Variants in FHOD3 observed in about 807,000 individuals in gnomAD.
The protein encoded by FHOD3 is formin homology 2 domain containing 3.
A neutral mutation model predicts 173.0 loss-of-function variants in FHOD3; 90 were observed. The ratio of observed to expected loss-of-function variants is 0.52; its 90% CI spans 0.44 to 0.62. The LOEUF is 0.62. FHOD3 is among the 20% of genes least tolerant of loss of function. The pLI is 0.00. For missense variants in FHOD3, 1,945 were observed against 2,034.7 expected, an observed-to-expected ratio of 0.96 and a Z score of 0.85; for synonymous variants, 828 against 823.0, an observed-to-expected ratio of 1.01 and a Z score of -0.10.
Position 36,297,886 on chromosome 18 carries a change from C to T in FHOD3, c.51C>T (p.Phe17=). The change falls in exon 1 of 29, where the codon TTC becomes TTT. Residue 17 remains phenylalanine, a synonymous_variant. Coordinates refer to ENST00000590592, the MANE Select transcript of FHOD3 (RefSeq NM_001281740.3). ...AGTTCTTGGACGACACGGACCCTTT[C>T]AACAGCACCAACTTCCCCGAGCCCA... The part of the protein sequence containing the change: ...RVQFLDDTDP[F]NSTNFPEPSR... 6.4e-7 allele frequency: 1 copy of T among 1,558,010 alleles called. No individual in the cohort carries two copies.
At position 36,700,273 on chromosome 18, in the gene FHOD3, C is replaced by T. The variant is rs542132655; in HGVS notation, c.2236+6850C>T. 1.3e-4 allele frequency among the ~76,000 whole-genome samples: 20 copies of T among 152,192 alleles called. No homozygotes were observed. In the Middle Eastern group the frequency reaches 0.01, roughly 78 times the overall value. ...GCTCAGGGCGTGTGTATTGCACTTC[C>T]CCAGCCATCTCCACTAAATGCCCCT... On this transcript the variant is annotated intron_variant, in intron 17 of 28. Transcript: ENST00000590592.
chr18:36,601,809 G>T (rs2148476125), intron 7 of FHOD3, among the ~76,000 whole-genome samples: 1 of 152,256 alleles, frequency 6.6e-6, no homozygotes, highest in South Asian at 2.1e-4. Context: ...TTCATCTTGG[G>T]CCTAGAAAAC....
At chr18:36,732,991 G>A (rs187598245) in intron 20 of FHOD3, among the ~76,000 whole-genome samples, 39 of 152,276 alleles carry the variant, frequency 2.6e-4, no homozygotes, top group African/African-American at 7.9e-4. Context: ...TATTTAGTAC[G>A]GATTAAATGA....
At chr18:36,315,186 C>T (rs1290911696) in intron 1 of FHOD3, among the ~76,000 whole-genome samples, 1 of 152,170 alleles carries the variant, frequency 6.6e-6, no homozygotes, top group Non-Finnish European at 1.5e-5. Context: ...ATAGTCGATT[C>T]ATATTGAACT....
chr18:36,606,037 AC>A (rs1225004760), intron 8 of FHOD3, among the ~76,000 whole-genome samples: 1 of 152,172 alleles, frequency 6.6e-6, no homozygotes, highest in Non-Finnish European at 1.5e-5. Context: ...AAGAGGGGTT[AC>A]CGTGAGGCTG....
At chr18:36,615,745 G>A (rs890619419) in intron 9 of FHOD3, among the ~76,000 whole-genome samples, 10 of 152,142 alleles carry the variant, frequency 6.6e-5, no homozygotes, top group South Asian at 6.2e-4. Flanking sequence ...TTTCTGCACC[G>A]CTAGATCTCT....
chr18:36,297,845 C>A lies in FHOD3; in HGVS notation c.10C>A (p.Leu4Met), dbSNP rs1349373624. 6.5e-7 allele frequency: 1 copy of A among 1,528,060 alleles called. No homozygotes were observed. The allele number at this position is 1,528,060 out of a possible 1,614,324, so 94.7% of individuals were successfully genotyped here. A position where few individuals can be genotyped will look rare whatever the true frequency, so the allele number is the denominator to read the frequency against. The change falls in exon 1 of 29, where the codon CTG (leucine) becomes ATG (methionine). Residue 4 changes from leucine to methionine, a missense_variant. This residue lies in a region of FHOD3 where 245 missense variants were observed against 267.7 expected (regional missense o/e 0.92). Transcript: ENST00000590592. MAT[L>M]ACRVQFLDDT... Reference sequence around the variant, plus strand: ...GCGGCAGGGATGCATCATGGCCACGCTGGCTTGCCGGGTGCAGTTCTTGGA... The same window carrying A: ...GCGGCAGGGATGCATCATGGCCACGATGGCTTGCCGGGTGCAGTTCTTGGA...
chr18:36,765,909 T>C (rs1332800235), intron 27 of FHOD3, among the ~76,000 whole-genome samples: 1 of 152,036 alleles, frequency 6.6e-6, no homozygotes, highest in Non-Finnish European at 1.5e-5. Context: ...TTGAAGAGAT[T>C]GAAGAGATTT....
intron 23 of FHOD3, among the ~76,000 whole-genome samples, chr18:36,745,661 A>G (rs2042115766): frequency 6.6e-6 from 1 of 151,930 alleles, no homozygotes; most frequent in East Asian, 1.9e-4. Flanking sequence ...CTAAGTAGCA[A>G]CGGCTTACCT....
chr18:36,677,536 T>A lies in FHOD3; in HGVS notation c.1836-3900T>A, dbSNP rs141033706. Among the ~76,000 whole-genome samples the A allele has an allele frequency of 7.9e-5, 12 of 152,362 alleles. No homozygotes were observed. In the East Asian group the frequency reaches 2.1e-3, roughly 27 times the overall value. On this transcript the variant is annotated intron_variant, in intron 14 of 28. Transcript: ENST00000590592. ...CCCCACAGATGTGTAATAACACATT[T>A]GACATGAATCAGGATTCTATCTGTG...
intron 2 of FHOD3, among the ~76,000 whole-genome samples, chr18:36,370,152 C>T (rs2047109726): frequency 6.6e-6 from 1 of 152,132 alleles, no homozygotes; most frequent in East Asian, 1.9e-4. Flanking sequence ...CTCCTTTACT[C>T]TGAACCTGGG....
chr18:36,399,254 C>A (rs921812808), intron 3 of FHOD3, among the ~76,000 whole-genome samples: 1 of 152,104 alleles, frequency 6.6e-6, no homozygotes, highest in Non-Finnish European at 1.5e-5. Context: ...GTGTCCTGTT[C>A]GTTTGTCCCA....
chr18:36,575,034 G>A lies in FHOD3; in HGVS notation c.512-1417G>A, dbSNP rs536986010. 1.3e-4 allele frequency among the ~76,000 whole-genome samples: 19 copies of A among 151,252 alleles called. No homozygotes were observed. In the South Asian group the frequency reaches 1.5e-3, roughly 12 times the overall value. ...CACCCAGACTGGAGTGCAGTGGTGC[G>A]ATCTTGGCTCACTGCCACCTCCGCC... is the stretch of plus-strand genomic sequence containing the variant. On this transcript the variant is annotated intron_variant, in intron 5 of 28. Transcript: ENST00000590592.
chr18:36,590,691 T>G (rs2059186791), intron 6 of FHOD3, among the ~76,000 whole-genome samples: 1 of 152,146 alleles, frequency 6.6e-6, no homozygotes, highest in Non-Finnish European at 1.5e-5. Context: ...TTGGGGATTT[T>G]TTTAAAAAAA....
At chr18:36,548,435 T>C (rs2057502519) in intron 5 of FHOD3, among the ~76,000 whole-genome samples, 1 of 152,172 alleles carries the variant, frequency 6.6e-6, no homozygotes, top group African/African-American at 2.4e-5. Context: ...TGAGGTATAA[T>C]TGACAATAAT....
chr18:36,773,087 C>T (rs2043462236), intron 28 of FHOD3, among the ~76,000 whole-genome samples: 1 of 152,214 alleles, frequency 6.6e-6, no homozygotes, highest in South Asian at 2.1e-4. Context: ...GAGGCCAGGA[C>T]ACTGATATGC....
At chr18:36,334,824 A>G (rs2045219369) in intron 1 of FHOD3, among the ~76,000 whole-genome samples, 1 of 152,242 alleles carries the variant, frequency 6.6e-6, no homozygotes, top group South Asian at 2.1e-4. Flanking sequence ...TGTGACTGAA[A>G]GAGGGTAGAG....
chr18:36,633,906 T>C (rs1407719903), intron 10 of FHOD3, among the ~76,000 whole-genome samples: 16 of 152,178 alleles, frequency 1.1e-4, no homozygotes. Flanking sequence ...GAAGACATTT[T>C]ATAGAGGGGA....
intron 14 of FHOD3, among the ~76,000 whole-genome samples, chr18:36,671,485 T>G (rs904158327): frequency 6.6e-6 from 1 of 152,272 alleles, no homozygotes; most frequent in Non-Finnish European, 1.5e-5. Flanking sequence ...CCAAATGGAC[T>G]GAAAATGGAA....
Sources: gnomAD v4.1 joint callset for allele counts (sites outside exome capture counted in the v4.1 genomes callset) on GRCh38, gnomAD v4.1.1 for gene constraint, gnomAD v4.1.1 regional missense constraint, MANE v1.5 for transcripts, NCBI Gene and HGNC (gene_info 2026-07-23, HGNC 2026-07-21) for gene names.